Variants in MCTP1 observed in about 807,000 individuals in gnomAD.
MCTP1 encodes the protein multiple C2 and transmembrane domain-containing protein 1.
In MCTP1, 69 loss-of-function variants were observed where a neutral mutation model predicts 120.6. The ratio of observed to expected loss-of-function variants is 0.57; its 90% CI spans 0.47 to 0.70. The LOEUF (loss-of-function observed/expected upper bound fraction) is 0.70. Among genes scored for constraint, MCTP1 ranks in the 30% least tolerant of loss-of-function variants. MCTP1 has a pLI of 0.00. For missense variants in MCTP1, 1,203 were observed against 1,248.8 expected (o/e 0.96, Z 0.55); for synonymous variants, 529 against 493.1 (o/e 1.07, Z -0.96).
At chr5:94,944,348 T>C (rs1818434533) in intron 3 of MCTP1, among the ~76,000 whole-genome samples, 1 of 152,110 alleles carries the variant, frequency 6.6e-6, no homozygotes, top group African/African-American at 2.4e-5. Flanking sequence ...ATCTGCTCAG[T>C]GGTATAGCAT....
intron 1 of MCTP1, chr5:95,081,422 T>C (rs770006334): frequency 6.2e-7 from 1 of 1,610,924 alleles, no homozygotes; most frequent in Non-Finnish European, 8.5e-7. Flanking sequence ...AAAATGTTAC[T>C]TACCTTATTA....
chr5:95,171,362 C>T (rs1349046182), intron 1 of MCTP1, among the ~76,000 whole-genome samples: 1 of 152,170 alleles, frequency 6.6e-6, no homozygotes, highest in Non-Finnish European at 1.5e-5. Flanking sequence ...TTCATTTCAA[C>T]TTTGGTGAAT....
chr5:95,128,076 G>T (rs191264469), intron 1 of MCTP1, among the ~76,000 whole-genome samples: 93 of 152,300 alleles, frequency 6.1e-4, no homozygotes, highest in African/African-American at 2.0e-3. Flanking sequence ...GTTCACTCTG[G>T]CTCCTATGAA....
rs1175169872 is a variant in MCTP1 at position 94,715,341 on chromosome 5, G to A, written c.2611-455C>T. On this transcript the variant is annotated intron_variant, in intron 19 of 22. Transcript: ENST00000515393. Reference sequence around the variant, plus strand: ...AGCAGAGAATGCTGGATGCACTTGAGATTTGTGAGCAATGAAAACTACAAA... The same window carrying A: ...AGCAGAGAATGCTGGATGCACTTGAAATTTGTGAGCAATGAAAACTACAAA... 4.6e-5 allele frequency among the ~76,000 whole-genome samples: 5 copies of A among 109,014 alleles called. No individual in the cohort carries two copies. In the East Asian group the frequency reaches 1.2e-3, roughly 27 times the overall value. 71.5% of individuals were successfully genotyped at this position (109,014 alleles called of 152,430 possible).
chr5:94,848,045 G>T (rs558085670), intron 17 of MCTP1, among the ~76,000 whole-genome samples: 1 of 152,018 alleles, frequency 6.6e-6, no homozygotes, highest in Non-Finnish European at 1.5e-5. Context: ...AGCAGGTGGA[G>T]AGGAGGGCTG....
rs116257985 is a variant in MCTP1, at chr5:95,068,706, G to A, written c.721-51222C>T. The stretch of plus-strand genomic sequence containing the variant: ...TGCATTACTATGGTTTTCACAATTC[G>A]GTCAAAAAATAAAGCTTTTATGCCT... On this transcript the variant is annotated intron_variant, in intron 1 of 22. Transcript: ENST00000515393. The A allele has an allele frequency of 1.6e-3, 1,379 of 860,670 alleles. 16 individuals carry two copies. The African/African-American group carries it at 0.023, about 15-fold the overall frequency. 53.3% of individuals were successfully genotyped at this position (860,670 alleles called of 1,614,324 possible). A position where few individuals can be genotyped will look rare whatever the true frequency, so the allele number is the denominator to read the frequency against.
At chr5:94,968,278 C>G (rs74293143) in intron 2 of MCTP1, among the ~76,000 whole-genome samples, 1 of 151,946 alleles carries the variant, frequency 6.6e-6, no homozygotes, top group African/African-American at 2.4e-5. Context: ...TAAATAGATT[C>G]CTTTTCTGTA....
intron 7 of MCTP1, among the ~76,000 whole-genome samples, chr5:94,920,698 C>T (rs565866503): frequency 3.5e-4 from 53 of 151,340 alleles, no homozygotes; most frequent in Admixed American, 1.2e-3. Flanking sequence ...GCCAAGACCG[C>T]GCCACTGCAC....
chr5:94,781,466 G>A (rs374586946), intron 18 of MCTP1, among the ~76,000 whole-genome samples: 10 of 152,210 alleles, frequency 6.6e-5, no homozygotes, highest in East Asian at 3.9e-4. Flanking sequence ...GTATCTCACA[G>A]AACTGACTTA....
intron 2 of MCTP1, among the ~76,000 whole-genome samples, chr5:94,965,130 G>A (rs1176004904): frequency 2.0e-5 from 3 of 151,960 alleles, no homozygotes; most frequent in Non-Finnish European, 4.4e-5. Context: ...TCTTATAATC[G>A]AGGTTTAGGC....
At position 95,284,037 on chromosome 5, in the gene MCTP1, C is replaced by T. The variant is rs747499846; in HGVS notation, c.539G>A (p.Arg180Gln). ...PQPPPRGDRA[R>Q]DEGARRQGPG... is the part of the protein sequence containing the mutation. ...GCCCTGACGCCGTGCACCCTCATCT[C>T]GGGCGCGGTCCCCCCTCGGGGGAGG... The change falls in exon 1 of 23, where the codon CGA (arginine) becomes CAA (glutamine). Residue 180 changes from arginine (R) to glutamine (Q), a missense_variant. Transcript: ENST00000515393. The surrounding 1 kb of genome is among the most constrained non-coding windows in gnomAD (Gnocchi z 5.2). 4 of 1,517,424 alleles carry T rather than the reference C, an allele frequency of 2.6e-6. No homozygotes were observed. The highest frequency in any genetic ancestry group is 3.5e-6 in the Non-Finnish European group (4 of 1,134,552). 94.0% of individuals were successfully genotyped at this position (1,517,424 alleles called of 1,614,324 possible). A position where few individuals can be genotyped will look rare whatever the true frequency, so the allele number is the denominator to read the frequency against.
chr5:95,172,256 A>G (rs190782972), intron 1 of MCTP1, among the ~76,000 whole-genome samples: 120 of 152,302 alleles, frequency 7.9e-4, no homozygotes, highest in Admixed American at 1.7e-3. Context: ...CTGCCTGATC[A>G]TTCCTCTGCA....
At chr5:95,113,153 CA>C (rs1486883779) in intron 1 of MCTP1, among the ~76,000 whole-genome samples, 2 of 151,768 alleles carry the variant, frequency 1.3e-5, no homozygotes, top group African/African-American at 4.8e-5. Context: ...ATTAATTATG[CA>C]AATACTTTGA....
chr5:95,236,452 GA>G (rs1755550629), intron 1 of MCTP1, among the ~76,000 whole-genome samples: 1 of 151,984 alleles, frequency 6.6e-6, no homozygotes, highest in Non-Finnish European at 1.5e-5. Context: ...TCAGATCCTG[GA>G]AAAAATAGTT....
intron 7 of MCTP1, among the ~76,000 whole-genome samples, chr5:94,922,331 T>C (rs938236692): frequency 1.3e-5 from 2 of 152,128 alleles, no homozygotes; most frequent in Non-Finnish European, 2.9e-5. Context: ...AGAGAGCCAC[T>C]TGAAAGGGAA....
At chr5:95,125,044 C>G (rs1047270720) in intron 1 of MCTP1, among the ~76,000 whole-genome samples, 32 of 152,146 alleles carry the variant, frequency 2.1e-4, no homozygotes, top group African/African-American at 7.7e-4. Context: ...GATACTTAAA[C>G]AGCAAAACAT....
chr5:95,013,371 T>C (rs1836415916), intron 2 of MCTP1, among the ~76,000 whole-genome samples: 1 of 152,202 alleles, frequency 6.6e-6, no homozygotes, highest in African/African-American at 2.4e-5. Context: ...ATTTTCAATG[T>C]AGATGAAACA....
intron 10 of MCTP1, among the ~76,000 whole-genome samples, chr5:94,895,269 G>A (rs1047077739): frequency 1.2e-4 from 18 of 152,100 alleles, no homozygotes; most frequent in African/African-American, 4.3e-4. Context: ...TTATTAAGCA[G>A]TGAATAGAAT....
chr5:95,148,243 T>C (rs1760593179), intron 1 of MCTP1, among the ~76,000 whole-genome samples: 1 of 152,206 alleles, frequency 6.6e-6, no homozygotes, highest in African/African-American at 2.4e-5. Context: ...CATGTCCATG[T>C]CTACCTCTCT....
Sources: gnomAD v4.1 joint callset for allele counts (sites outside exome capture counted in the v4.1 genomes callset) on GRCh38, gnomAD v4.1.1 for gene constraint, Gnocchi (gnomAD v3.1) non-coding constraint, MANE v1.5 for transcripts, NCBI Gene and HGNC (gene_info 2026-07-23, HGNC 2026-07-21) for gene names.